Variants in NLRC3 observed in about 807,000 individuals in gnomAD.
NLRC3 encodes the protein NLR family CARD domain containing 3.
NLRC3 carries 87 observed loss-of-function variants against 91.6 expected under a neutral mutation model. The ratio of observed to expected loss-of-function variants is 0.95; its 90% CI spans 0.80 to 1.14. The LOEUF (loss-of-function observed/expected upper bound fraction) is 1.14. Among genes scored for constraint, NLRC3 ranks in the 50% most tolerant of loss-of-function variants. NLRC3 has a pLI of 0.00. For synonymous variants in NLRC3, 694 were observed against 625.3 expected (o/e 1.11, Z -1.64); for missense variants, 1,577 against 1,418.6 (o/e 1.11, Z -1.79).
chr16:3,555,216 T>G (rs1596462156), intron 8 of NLRC3, among the ~76,000 whole-genome samples: 1 of 131,126 alleles, frequency 7.6e-6, no homozygotes, highest in African/African-American at 2.9e-5. Context: ...GGTGACAGAG[T>G]CAGACTCCGT....
At chr16:3,568,714 G>A (rs1332993708) in intron 1 of NLRC3, among the ~76,000 whole-genome samples, 5 of 152,124 alleles carry the variant, frequency 3.3e-5, no homozygotes, top group South Asian at 2.1e-4. Flanking sequence ...GCAACAGAGT[G>A]AGACCCTGTC....
chr16:3,543,427 G>T lies in NLRC3; in HGVS notation c.2937C>A (p.Leu979=), dbSNP rs374929504. 1.2e-6 allele frequency: 2 copies of T among 1,607,362 alleles called. No homozygotes were observed. The highest frequency in any genetic ancestry group is 1.7e-5 in the Admixed American group (1 of 59,680). The change falls in exon 17 of 20, where the codon CTC becomes CTA. Residue 979 remains leucine, a splice_region_variant and synonymous_variant. Coordinates refer to ENST00000359128, the MANE Select transcript of NLRC3 (RefSeq NM_178844.4). ...TAGATGGAGACTGGAATACTTACTC[G>T]AGAATCTCCAAGGTTCTGTTCACAG... is the stretch of plus-strand genomic sequence containing the variant. The part of the protein sequence containing the change: ...ALAVNRTLEI[L]DLRGNAIGVA...
chr16:3,544,301 C>A lies in NLRC3; in HGVS notation c.2800G>T (p.Gly934Ter). The A allele has an allele frequency of 1.2e-6, 2 of 1,613,326 alleles. No individual in the cohort carries two copies. The highest frequency in any genetic ancestry group is 1.7e-6 in the Non-Finnish European group (2 of 1,179,328). ...AGTGCACGGGCCACCGCACACGCTC[C>A]GTCATCCCCGATGGCGTTCTCCTGT... ...DLQENAIGDD[G>*]ACAVARALKV... Residue 934 changes from glycine to a stop codon, truncating the protein, a stop_gained, in exon 16 of 20, where the codon GGA becomes TGA. Coordinates refer to ENST00000359128, the MANE Select transcript of NLRC3 (RefSeq NM_178844.4). LOFTEE classifies it high-confidence loss of function.
chr16:3,563,610 CCT>C lies in NLRC3; in HGVS notation c.1325_1326del (p.Glu442GlyfsTer39), dbSNP rs966105440. On this transcript the variant is annotated frameshift_variant, in exon 5 of 20. Transcript: ENST00000359128. LOFTEE classifies it high-confidence loss of function. ...TAGGCCACTGACGATGCCAACGTCT[CCT>C]CTCTCTGCAGGAAGCAGCTGCACGG... is the stretch of plus-strand genomic sequence containing the variant. Reference protein sequence around the residue: ...GAPCSCFLQREETLASSVAYC... With the variant: ...GAPCSCFLQRXETLASSVAYC... 14 of 1,613,224 alleles carry C rather than the reference CCT, an allele frequency of 8.7e-6. No individual in the cohort carries two copies. Among genetic ancestry groups the C allele is most frequent in the Non-Finnish European group, 1.1e-5 (13 of 1,179,792 alleles).
rs1019132494 is a variant in NLRC3 at position 3,541,979 on chromosome 16, A to G, written c.3108-64T>C. On this transcript the variant is annotated intron_variant, in intron 19 of 19. Coordinates refer to ENST00000359128, the MANE Select transcript of NLRC3 (RefSeq NM_178844.4). Reference sequence around the variant, plus strand: ...GGTTCTCTTTAGTAGAGCAGGCCATACAATAGAAAATGCAGGACCCCATGC... The same window carrying G: ...GGTTCTCTTTAGTAGAGCAGGCCATGCAATAGAAAATGCAGGACCCCATGC... The G allele has an allele frequency of 3.0e-6, 3 of 995,310 alleles. No individual in the cohort carries two copies. In the African/African-American group the frequency reaches 4.8e-5, roughly 16 times the overall value. 61.7% of individuals were successfully genotyped at this position (995,310 alleles called of 1,614,324 possible). A position where few individuals can be genotyped will look rare whatever the true frequency, so the allele number is the denominator to read the frequency against.
intron 16 of NLRC3, chr16:3,543,773 A>G: frequency 2.0e-6 from 1 of 501,688 alleles, no homozygotes. Context: ...CCTCATTACT[A>G]CTCTCTAGGT....
At chr16:3,552,961 C>A (rs1174010729) in intron 9 of NLRC3, among the ~76,000 whole-genome samples, 2 of 151,960 alleles carry the variant, frequency 1.3e-5, no homozygotes, top group Non-Finnish European at 2.9e-5. Context: ...AAAAAGAAAC[C>A]TCCCTAGGAA....
At chr16:3,574,391 C>T (rs769460462) in intron 1 of NLRC3, among the ~76,000 whole-genome samples, 4 of 152,042 alleles carry the variant, frequency 2.6e-5, no homozygotes, top group Non-Finnish European at 5.9e-5. Context: ...TAAGCTCCTC[C>T]GGTGGTTCTA....
At chr16:3,561,842 G>T in intron 5 of NLRC3, 54 bp from the exon 6 acceptor site, 1 of 1,363,300 alleles carries the variant, frequency 7.3e-7, no homozygotes, top group South Asian at 1.2e-5. Flanking sequence ...GGGCAGGGTG[G>T]GGGCCCTGGC....
chr16:3,561,851 G>T, intron 5 of NLRC3, 63 bp from the exon 6 acceptor site: 1 of 1,185,364 alleles, frequency 8.4e-7, no homozygotes, highest in Non-Finnish European at 1.3e-6. Context: ...GGGGGCCCTG[G>T]CCCGGGGCCT....
intron 3 of NLRC3, 88 bp downstream of exon 3, chr16:3,565,231 C>A: frequency 1.4e-6 from 1 of 697,214 alleles, no homozygotes; most frequent in Middle Eastern, 3.0e-4. Context: ...GCCATTTGTT[C>A]CTGGGTGGTA....
At chr16:3,544,440 C>G in intron 15 of NLRC3, 111 bp from the exon 16 acceptor site, 1 of 716,378 alleles carries the variant, frequency 1.4e-6, no homozygotes, top group Non-Finnish European at 2.5e-6. Context: ...ACCATAGACA[C>G]TCCCAGGGTT....
chr16:3,569,397 A>ATATTTTTTTT (rs2040013749), intron 1 of NLRC3, among the ~76,000 whole-genome samples: 1 of 41,046 alleles, frequency 2.4e-5, no homozygotes, highest in African/African-American at 1.2e-4. Flanking sequence ...TATATATATT[A>ATATTTTTTTT]TTTTTTTTTT....
rs1055413311 is a variant in NLRC3 at position 3,577,242 on chromosome 16, C to T, written c.-262G>A. On this transcript the variant is annotated 5_prime_UTR_variant, in exon 1 of 20. Transcript: ENST00000359128. ...CCTGGGCTCAGCCCTGCTCCAGCTG[C>T]GTGGTGGTAGATGCCCTGGGAATCC... is the stretch of plus-strand genomic sequence containing the variant. The T allele has an allele frequency of 3.0e-5, 21 of 701,852 alleles. No homozygotes were observed. Among genetic ancestry groups the T allele is most frequent in the Non-Finnish European group, 4.4e-5 (17 of 384,438 alleles). The allele number at this position is 701,852 out of a possible 1,614,324, so 43.5% of individuals were successfully genotyped here.
intron 2 of NLRC3, among the ~76,000 whole-genome samples, chr16:3,565,901 T>G (rs926301638): frequency 6.6e-6 from 1 of 151,178 alleles, no homozygotes; most frequent in African/African-American, 2.4e-5. Context: ...ATTAGCCTGG[T>G]ATGGGGTGTG....
Position 3,564,134 on chromosome 16 carries a change from C to T in NLRC3, c.803G>A (p.Arg268His), listed in dbSNP as rs761616730. Residue 268 changes from arginine (R) to histidine (H), a missense_variant, in exon 5 of 20, where the codon CGT (arginine) becomes CAT (histidine). Coordinates refer to ENST00000359128, the MANE Select transcript of NLRC3 (RefSeq NM_178844.4). The surrounding 1 kb of genome is among the most constrained non-coding windows in gnomAD (Gnocchi z 5.9). ...TGGGATCTGGCCAGATGCACTGGGA[C>T]GGGAGGTGATCCAGATGGAAACTTC... ...FPEVSIWITS[R>H]PSASGQIPGG... 44 of 1,613,482 alleles carry T rather than the reference C, an allele frequency of 2.7e-5. No individual in the cohort carries two copies. The East Asian group carries it at 5.8e-4, about 21-fold the overall frequency.
chr16:3,567,522 C>G (rs1212837573), intron 1 of NLRC3, 198 bp from the exon 2 acceptor site: 1 of 152,178 alleles, frequency 6.6e-6, no homozygotes, highest in Non-Finnish European at 1.5e-5. Flanking sequence ...GCCTGTAATC[C>G]CAGCATTTTG....
intron 15 of NLRC3, chr16:3,544,597 G>C: frequency 2.3e-6 from 1 of 429,752 alleles, no homozygotes; most frequent in Admixed American, 3.8e-5. Flanking sequence ...GCAGGGGCTT[G>C]GGACCCAAAA....
intron 6 of NLRC3, 110 bp from the exon 7 acceptor site, chr16:3,557,786 G>T (rs557367955): frequency 9.8e-6 from 7 of 713,174 alleles, no homozygotes; most frequent in South Asian, 8.5e-5. Flanking sequence ...CATCATCAGG[G>T]TCTGGACATA....
Sources: gnomAD v4.1 joint callset for allele counts (sites outside exome capture counted in the v4.1 genomes callset) on GRCh38, gnomAD v4.1.1 for gene constraint, Gnocchi (gnomAD v3.1) non-coding constraint, MANE v1.5 for transcripts, NCBI Gene and HGNC (gene_info 2026-07-23, HGNC 2026-07-21) for gene names.